Variants in RNF13 observed in about 807,000 individuals in gnomAD.
RNF13 encodes the protein E3 ubiquitin-protein ligase RNF13.
Under a neutral mutation model 37.7 loss-of-function variants are expected in RNF13, and 19 were observed. That is an observed-to-expected ratio of 0.50 (90% confidence interval 0.35 to 0.74). The LOEUF (loss-of-function observed/expected upper bound fraction) is 0.74. Among genes scored for constraint, RNF13 ranks in the 30% least tolerant of loss-of-function variants. The pLI is 0.01. For synonymous variants in RNF13, 144 were observed against 157.8 expected (o/e 0.91, Z 0.65); for missense variants, 375 against 453.0 (o/e 0.83, Z 1.56).
At chr3:149,891,643 C>G (rs964499689) in intron 4 of RNF13, among the ~76,000 whole-genome samples, 8 of 152,180 alleles carry the variant, frequency 5.3e-5, no homozygotes, top group Non-Finnish European at 1.2e-4. Context: ...TAGCTCTGAT[C>G]AGTCTCCTTA....
chr3:149,920,793 T>C (rs1295828512), intron 7 of RNF13, among the ~76,000 whole-genome samples: 1 of 149,440 alleles, frequency 6.7e-6, no homozygotes, highest in Non-Finnish European at 1.5e-5. Context: ...TCCCATTCTT[T>C]TTTTTTTTTT....
intron 6 of RNF13, among the ~76,000 whole-genome samples, chr3:149,910,587 T>G (rs1247503460): frequency 6.6e-6 from 1 of 152,250 alleles, no homozygotes; most frequent in African/African-American, 2.4e-5. Flanking sequence ...TATGGTGTCC[T>G]AAGCACCTCT....
chr3:149,836,902 A>G (rs1033844412), intron 1 of RNF13, among the ~76,000 whole-genome samples: 1 of 152,230 alleles, frequency 6.6e-6, no homozygotes, highest in Non-Finnish European at 1.5e-5. Context: ...AAGGACAAAT[A>G]TTGTATGATT....
At position 149,871,731 on chromosome 3, in the gene RNF13, A is replaced by T. The variant is rs116174542; in HGVS notation, c.196-298A>T. ...ATATTTGCTTGGTTTGAAAATGTCA[A>T]ATATTGTTCGAAAATATACCAGTGG... On this transcript the variant is annotated intron_variant, in intron 3 of 9. Transcript: ENST00000392894. 9.3e-3 allele frequency among the ~76,000 whole-genome samples: 1,413 copies of T among 152,206 alleles called. 23 individuals carry two copies. Among genetic ancestry groups the T allele is most frequent in the African/African-American group, 0.033 (1,361 of 41,518 alleles).
intron 4 of RNF13, among the ~76,000 whole-genome samples, chr3:149,885,862 G>C (rs993673634): frequency 2.0e-5 from 3 of 152,110 alleles, no homozygotes; most frequent in Admixed American, 6.6e-5. Context: ...TTCATAATTT[G>C]AGATGTTAAA....
At chr3:149,827,783 C>G (rs1357058910) in intron 1 of RNF13, among the ~76,000 whole-genome samples, 1 of 152,052 alleles carries the variant, frequency 6.6e-6, no homozygotes, top group African/African-American at 2.4e-5. Context: ...CAGAAAAGAC[C>G]AAGAACAGGG....
chr3:149,866,875 T>C (rs73155086), intron 3 of RNF13, among the ~76,000 whole-genome samples: 11,810 of 152,286 alleles, frequency 0.078, 502 homozygotes, highest in Middle Eastern at 0.099. Flanking sequence ...TGTAGTCTAT[T>C]GTGGCCAGAA....
At chr3:149,869,722 C>T (rs1711794937) in intron 3 of RNF13, among the ~76,000 whole-genome samples, 1 of 151,820 alleles carries the variant, frequency 6.6e-6, no homozygotes, top group Non-Finnish European at 1.5e-5. Context: ...GGATGTATGT[C>T]AGTGTCTTTG....
intron 4 of RNF13, among the ~76,000 whole-genome samples, chr3:149,876,652 T>A (rs2108450542): frequency 6.6e-6 from 1 of 152,116 alleles, no homozygotes. Context: ...ATGTCCTCCA[T>A]CTGGCATGTC....
intron 4 of RNF13, among the ~76,000 whole-genome samples, chr3:149,889,201 T>G (rs1714389464): frequency 6.6e-6 from 1 of 151,286 alleles, no homozygotes; most frequent in African/African-American, 2.4e-5. Context: ...CCTCCCAAAG[T>G]GCTGGGATTA....
intron 7 of RNF13, 31 bp downstream of exon 7, chr3:149,912,114 A>G (rs1332617754): frequency 9.3e-7 from 1 of 1,070,188 alleles, no homozygotes; most frequent in Admixed American, 1.9e-5. Flanking sequence ...TAATTTTTAA[A>G]AAATAGTATG....
intron 4 of RNF13, among the ~76,000 whole-genome samples, chr3:149,876,599 A>G (rs1207587501): frequency 6.6e-6 from 1 of 151,892 alleles, no homozygotes; most frequent in Non-Finnish European, 1.5e-5. Context: ...ACAAGTCCCC[A>G]TATGTGCTGA....
At chr3:149,838,686 C>G (rs1307359067) in intron 1 of RNF13, among the ~76,000 whole-genome samples, 1 of 152,238 alleles carries the variant, frequency 6.6e-6, no homozygotes, top group Non-Finnish European at 1.5e-5. Context: ...TTTTTTCCTC[C>G]TAGGCCTCTG....
chr3:149,892,517 C>T (rs1003518215), intron 4 of RNF13, among the ~76,000 whole-genome samples: 9 of 152,130 alleles, frequency 5.9e-5, no homozygotes, highest in African/African-American at 2.2e-4. Flanking sequence ...GTACAGGGGT[C>T]CCCAAGCCCC....
chr3:149,945,331 T>G (rs1248339023), intron 8 of RNF13, among the ~76,000 whole-genome samples: 1 of 152,060 alleles, frequency 6.6e-6, no homozygotes, highest in Non-Finnish European at 1.5e-5. Flanking sequence ...CACAGCAGTC[T>G]GAGATCGAAC....
At chr3:149,947,713 T>C (rs1720907864) in intron 8 of RNF13, among the ~76,000 whole-genome samples, 1 of 152,018 alleles carries the variant, frequency 6.6e-6, no homozygotes. Context: ...TTCCTTCAGT[T>C]CTGTCAATGT....
At chr3:149,860,462 T>G (rs2108412803) in intron 3 of RNF13, among the ~76,000 whole-genome samples, 1 of 151,348 alleles carries the variant, frequency 6.6e-6, no homozygotes, top group Middle Eastern at 3.4e-3. Flanking sequence ...CAGAAGTAAA[T>G]TCACATATTT....
chr3:149,819,053 G>A (rs554741141), intron 1 of RNF13, among the ~76,000 whole-genome samples: 1 of 152,158 alleles, frequency 6.6e-6, no homozygotes, highest in Admixed American at 6.5e-5. Flanking sequence ...TAATTAGCTG[G>A]GTGATTTTGC....
intron 4 of RNF13, among the ~76,000 whole-genome samples, chr3:149,891,488 A>G (rs544141749): frequency 6.6e-6 from 1 of 152,338 alleles, no homozygotes; most frequent in African/African-American, 2.4e-5. Context: ...CTTCTGACAG[A>G]CTGGCTATTT....
Sources: allele counts gnomAD v4.1 joint callset (sites outside exome capture counted in the v4.1 genomes callset), GRCh38; gene constraint gnomAD v4.1.1; transcripts MANE v1.5; gene names NCBI Gene and HGNC (gene_info 2026-07-23, HGNC 2026-07-21).